The following SERINC5 variants were observed in gnomAD, a reference collection of about 807,000 sequenced individuals.
SERINC5 encodes chromosome 5 open reading frame 12.
SERINC5 carries 41 observed loss-of-function variants against 63.1 expected under a neutral mutation model. The observed-to-expected ratio is 0.65, with a 90% CI of 0.51 to 0.84. The LOEUF is 0.84. Among genes scored for constraint, SERINC5 ranks in the 40% least tolerant of loss-of-function variants. SERINC5 has a pLI of 0.00. For synonymous variants in SERINC5, 222 were observed against 215.2 expected (o/e 1.03, Z -0.28); for missense variants, 523 against 573.0 (o/e 0.91, Z 0.89).
chr5:80,135,119 A>G (rs184690624), downstream of SERINC5, among the ~76,000 whole-genome samples: 1 of 152,178 alleles, frequency 6.6e-6, no homozygotes, highest in Non-Finnish European at 1.5e-5. Context: ...GCTGGAGCAC[A>G]ATGGCACAAT....
chr5:80,139,621 A>G lies in SERINC5; in HGVS notation c.*4042T>C. ...AAGAGAGAGAGAGAGAAAGGTCTAA[A>G]CATCTGTGTGAACAGCTCTCCAGTA... On this transcript the variant is annotated 3_prime_UTR_variant, in exon 12 of 12. Transcript: ENST00000507668. 4.1e-6 allele frequency: 4 copies of G among 985,306 alleles called. No individual in the cohort carries two copies. The highest frequency in any genetic ancestry group is 4.8e-6 in the Non-Finnish European group (4 of 829,838). 61.0% of individuals were successfully genotyped at this position (985,306 alleles called of 1,614,324 possible).
At chr5:80,198,511 C>G in intron 2 of SERINC5, 4 of 985,254 alleles carry the variant, frequency 4.1e-6, no homozygotes, top group Non-Finnish European at 4.8e-6. Flanking sequence ...AAGACCCACG[C>G]GACTCTGGCA....
intron 8 of SERINC5, 27 bp from the exon 9 acceptor site, chr5:80,150,975 G>A: frequency 6.3e-7 from 1 of 1,576,970 alleles, no homozygotes; most frequent in Non-Finnish European, 8.7e-7. Flanking sequence ...AACGTCAGCT[G>A]GGCATATTAA....
intron 2 of SERINC5, among the ~76,000 whole-genome samples, chr5:80,183,988 G>T (rs536433410): frequency 6.6e-6 from 1 of 152,218 alleles, no homozygotes; most frequent in South Asian, 2.1e-4. Context: ...TTAAACATGA[G>T]TGATGAAACA....
In SERINC5 at chr5:80,182,547, C is replaced by G. The variant is rs13181955; in HGVS notation, c.196-4483G>C. ...CATAAGCTTCTATCATCTGACCGCCCCCCCCCCCTCCGCTTTTTTTTAATT... is the reference window on the plus strand; with the variant it reads ...CATAAGCTTCTATCATCTGACCGCCGCCCCCCCCTCCGCTTTTTTTTAATT... On this transcript the variant is annotated intron_variant, in intron 2 of 11. Coordinates refer to ENST00000507668, the MANE Select transcript of SERINC5 (RefSeq NM_001174072.3). Among the ~76,000 whole-genome samples the G allele has an allele frequency of 3.4e-3, 291 of 85,754 alleles. 13 individuals are homozygous for G. The highest frequency in any genetic ancestry group is 5.9e-3 in the Non-Finnish European group (230 of 38,986). 56.3% of individuals were successfully genotyped at this position (85,754 alleles called of 152,430 possible).
chr5:80,216,779 G>A (rs962007092), intron 1 of SERINC5, among the ~76,000 whole-genome samples: 1 of 152,140 alleles, frequency 6.6e-6, no homozygotes, highest in East Asian at 1.9e-4. Flanking sequence ...GGGAGGCCGA[G>A]GTGGGTAGAT....
At chr5:80,224,350 G>C (rs75974147) in intron 1 of SERINC5, among the ~76,000 whole-genome samples, 1,893 of 151,904 alleles carry the variant, frequency 0.012, 35 homozygotes, top group African/African-American at 0.043. Flanking sequence ...GGTGGCACAC[G>C]ACTATAGTCC....
intron 7 of SERINC5, among the ~76,000 whole-genome samples, chr5:80,163,008 C>T (rs1383751305): frequency 6.6e-6 from 1 of 151,930 alleles, no homozygotes; most frequent in Non-Finnish European, 1.5e-5. Context: ...GTGCACACCA[C>T]TATGACTGGC....
In SERINC5 at chr5:80,161,976, C is replaced by T. The variant is rs147290629; in HGVS notation, c.860-3014G>A. Among the ~76,000 whole-genome samples the T allele has an allele frequency of 1.2e-4, 18 of 152,130 alleles. No individual in the cohort carries two copies. In the East Asian group the frequency reaches 1.7e-3, roughly 15 times the overall value. ...CACTTATTGAAAAGGGTATCCTTTCCCCAGTGTGTGTTCTTGTCAACTTTG... is the reference window on the plus strand; with the variant it reads ...CACTTATTGAAAAGGGTATCCTTTCTCCAGTGTGTGTTCTTGTCAACTTTG... On this transcript the variant is annotated intron_variant, in intron 7 of 11. Transcript: ENST00000507668.
chr5:80,183,294 G>A (rs1748574900), intron 2 of SERINC5, among the ~76,000 whole-genome samples: 1 of 152,102 alleles, frequency 6.6e-6, no homozygotes, highest in African/African-American at 2.4e-5. Flanking sequence ...TTGGGGTGGA[G>A]GGAGGGTGGA....
intron 11 of SERINC5, among the ~76,000 whole-genome samples, chr5:80,132,883 A>T (rs529214583): frequency 5.3e-5 from 8 of 152,324 alleles, no homozygotes; most frequent in Non-Finnish European, 2.9e-5. Context: ...CATGTTTGGG[A>T]CCAAGTAACA....
intron 8 of SERINC5, 133 bp downstream of exon 8, chr5:80,158,703 C>T (rs1425359451): frequency 2.5e-5 from 20 of 804,324 alleles, no homozygotes; most frequent in African/African-American, 8.7e-5. Context: ...TCACGCTCTT[C>T]GCCTTTTTAC....
At chr5:80,188,053 G>A (rs1279787752) in intron 2 of SERINC5, among the ~76,000 whole-genome samples, 1 of 152,124 alleles carries the variant, frequency 6.6e-6, no homozygotes, top group African/African-American at 2.4e-5. Flanking sequence ...GGGAGGCCGA[G>A]GCAGGTGGAT....
chr5:80,136,123 G>C (rs1466304214), downstream of SERINC5, among the ~76,000 whole-genome samples: 1 of 152,060 alleles, frequency 6.6e-6, no homozygotes, highest in Non-Finnish European at 1.5e-5. Flanking sequence ...AGCACTTTGG[G>C]AGGCCAAGAG....
chr5:80,166,634 A>G, intron 6 of SERINC5, 156 bp from the exon 7 acceptor site: 1 of 540,056 alleles, frequency 1.9e-6, no homozygotes, highest in South Asian at 2.1e-5. Context: ...TTCTCAGATA[A>G]AACTAAAAAG....
At chr5:80,131,782 C>G (rs1238474767) in intron 11 of SERINC5, among the ~76,000 whole-genome samples, 2 of 152,190 alleles carry the variant, frequency 1.3e-5, no homozygotes. Flanking sequence ...GCAATGTGAT[C>G]TTGTCACTGT....
intron 1 of SERINC5, among the ~76,000 whole-genome samples, chr5:80,230,444 A>AC (rs1561443077): frequency 0.011 from 863 of 81,732 alleles, 11 homozygotes; most frequent in African/African-American, 0.029. Flanking sequence ...CAAGACTGTC[A>AC]CAAAAAAAAA....
intron 7 of SERINC5, among the ~76,000 whole-genome samples, chr5:80,163,081 C>T (rs1196286006): frequency 6.6e-6 from 1 of 151,966 alleles, no homozygotes; most frequent in Non-Finnish European, 1.5e-5. Flanking sequence ...TCTCAAGCTC[C>T]CGACCTCAAA....
In SERINC5 at chr5:80,142,395, G is replaced by C. The variant is rs1745564298; in HGVS notation, c.*1268C>G. 5 of 871,552 alleles carry C rather than the reference G, an allele frequency of 5.7e-6. No homozygotes were observed. In the South Asian group the frequency reaches 2.6e-4, roughly 46 times the overall value. 54.0% of individuals were successfully genotyped at this position (871,552 alleles called of 1,614,324 possible). A position where few individuals can be genotyped will look rare whatever the true frequency, so the allele number is the denominator to read the frequency against. Reference sequence around the variant, plus strand: ...TTACAGGCACACGCTACCATGCCCGGCTAATTTTTCTATTTTTAATAGAGA... The same window carrying C: ...TTACAGGCACACGCTACCATGCCCGCCTAATTTTTCTATTTTTAATAGAGA... On this transcript the variant is annotated 3_prime_UTR_variant, in exon 12 of 12. Coordinates refer to ENST00000507668, the MANE Select transcript of SERINC5 (RefSeq NM_001174072.3).
Sources: gnomAD v4.1 joint callset for allele counts (sites outside exome capture counted in the v4.1 genomes callset) on GRCh38, gnomAD v4.1.1 for gene constraint, MANE v1.5 for transcripts, NCBI Gene and HGNC (gene_info 2026-07-23, HGNC 2026-07-21) for gene names.